Variants in CCDC149 observed in about 807,000 individuals in gnomAD.
The protein encoded by CCDC149 is coiled-coil domain-containing protein 149.
Under a neutral mutation model 59.9 loss-of-function variants are expected in CCDC149, and 45 were observed. The ratio of observed to expected loss-of-function variants is 0.75; its 90% CI spans 0.59 to 0.96. CCDC149 has a LOEUF of 0.96. CCDC149 is among the 40% of genes least tolerant of loss of function. The pLI is 0.00. For synonymous variants in CCDC149, 245 were observed against 260.6 expected (o/e 0.94, Z 0.58); for missense variants, 584 against 664.7 (o/e 0.88, Z 1.33).
Position 24,838,174 on chromosome 4 carries a change from T to C in CCDC149, c.471A>G (p.Leu157=). ...TGAGAACCTGTTCCTTAGCTCGCTC[T>C]AGCTGCTGCACCAAGTCTTCACGCT... Residue 157 remains leucine, a synonymous_variant, in exon 5 of 13, where the codon CTA becomes CTG. Coordinates refer to ENST00000635206, the MANE Select transcript of CCDC149 (RefSeq NM_001330643.2). The C allele has an allele frequency of 2.5e-6, 4 of 1,613,994 alleles. No individual in the cohort carries two copies. The South Asian group carries it at 4.4e-5, about 18-fold the overall frequency.
intron 9 of CCDC149, among the ~76,000 whole-genome samples, chr4:24,825,720 C>A (rs1235244805): frequency 2.0e-5 from 3 of 151,348 alleles, no homozygotes; most frequent in Admixed American, 1.3e-4. Flanking sequence ...TTGTAGTGAG[C>A]CGAGATAGCG....
At chr4:24,874,825 A>C (rs759552494) in intron 2 of CCDC149, among the ~76,000 whole-genome samples, 2 of 152,242 alleles carry the variant, frequency 1.3e-5, no homozygotes, top group Non-Finnish European at 2.9e-5. Context: ...CTTAAAAAAG[A>C]GATCGCCTCA....
At chr4:24,811,323 A>C (rs1290762285) in intron 12 of CCDC149, among the ~76,000 whole-genome samples, 1 of 151,960 alleles carries the variant, frequency 6.6e-6, no homozygotes, top group African/African-American at 2.4e-5. Flanking sequence ...CCCAGAGCTG[A>C]TTCATATCTT....
chr4:24,848,289 C>T (rs926802657), intron 4 of CCDC149, among the ~76,000 whole-genome samples: 3 of 152,044 alleles, frequency 2.0e-5, no homozygotes, highest in East Asian at 1.9e-4. Flanking sequence ...AATAATGCCT[C>T]GGCCAGGCAC....
At chr4:24,893,850 C>T (rs889219508) in intron 1 of CCDC149, among the ~76,000 whole-genome samples, 3 of 151,934 alleles carry the variant, frequency 2.0e-5, no homozygotes, top group Non-Finnish European at 2.9e-5. Context: ...AGGTGATCCG[C>T]CCGCCTCGGC....
intron 1 of CCDC149, among the ~76,000 whole-genome samples, chr4:24,945,568 G>A (rs1010137922): frequency 1.6e-4 from 24 of 151,792 alleles, no homozygotes; most frequent in Admixed American, 3.3e-4. Context: ...CTGTGAGAAC[G>A]TAAATGTCTG....
chr4:24,959,221 G>A (rs960769521), intron 1 of CCDC149, among the ~76,000 whole-genome samples: 11 of 152,064 alleles, frequency 7.2e-5, no homozygotes, highest in Admixed American at 2.0e-4. Context: ...TGATCCATCC[G>A]CCTCAGCCTC....
upstream of CCDC149, among the ~76,000 whole-genome samples, chr4:24,914,778 A>T (rs1027189275): frequency 6.6e-6 from 1 of 152,142 alleles, no homozygotes; most frequent in African/African-American, 2.4e-5. Context: ...TGGTGACACA[A>T]CTGATGAAGG....
At chr4:24,813,573 G>A (rs1714812263) in intron 12 of CCDC149, among the ~76,000 whole-genome samples, 1 of 146,590 alleles carries the variant, frequency 6.8e-6, no homozygotes, top group African/African-American at 2.6e-5. Context: ...AATTAAAATG[G>A]AGCTTAGAAT....
intron 1 of CCDC149, chr4:24,894,920 A>G: frequency 1.3e-6 from 2 of 1,527,396 alleles, no homozygotes; most frequent in Middle Eastern, 1.7e-4. Context: ...GCTTTCTGAT[A>G]GTGGGGAAAA....
At chr4:24,819,195 G>C (rs1715200693) in intron 12 of CCDC149, among the ~76,000 whole-genome samples, 1 of 152,224 alleles carries the variant, frequency 6.6e-6, no homozygotes, top group Non-Finnish European at 1.5e-5. Flanking sequence ...ATTTCCCTGA[G>C]GTAGACATGA....
intron 3 of CCDC149, among the ~76,000 whole-genome samples, chr4:24,856,559 G>A (rs1020521251): frequency 1.3e-5 from 2 of 152,322 alleles, no homozygotes; most frequent in African/African-American, 4.8e-5. Context: ...AAAAGTCCCA[G>A]ACAGGGGAAA....
At chr4:24,904,881 GTTTC>G (rs529293389) in intron 1 of CCDC149, among the ~76,000 whole-genome samples, 10 of 152,056 alleles carry the variant, frequency 6.6e-5, no homozygotes, top group Non-Finnish European at 1.5e-4. Flanking sequence ...AATTCAGATT[GTTTC>G]TTTGTTTTTG....
chr4:24,924,339 A>G (rs1202088939), intron 1 of CCDC149, among the ~76,000 whole-genome samples: 1 of 152,082 alleles, frequency 6.6e-6, no homozygotes, highest in Non-Finnish European at 1.5e-5. Flanking sequence ...TTTAGATACT[A>G]TTGCTGCATA....
chr4:24,848,058 A>T (rs1258668855), intron 4 of CCDC149, among the ~76,000 whole-genome samples: 1 of 152,136 alleles, frequency 6.6e-6, no homozygotes, highest in Non-Finnish European at 1.5e-5. Context: ...GAAATAAAAA[A>T]TTCATAAGAT....
chr4:24,916,787 GGT>G (rs55857592), upstream of CCDC149, among the ~76,000 whole-genome samples: 6,029 of 141,964 alleles, frequency 0.042, 213 homozygotes, highest in East Asian at 0.19. Context: ...GGTTTATAAT[GGT>G]GTGTGTGTGT....
At chr4:24,857,299 T>C (rs1157030366) in intron 3 of CCDC149, among the ~76,000 whole-genome samples, 3 of 152,088 alleles carry the variant, frequency 2.0e-5, no homozygotes, top group Non-Finnish European at 2.9e-5. Flanking sequence ...TCAATACTTT[T>C]GTAAAATCTA....
chr4:24,894,185 T>C (rs570049741), intron 1 of CCDC149, among the ~76,000 whole-genome samples: 1 of 152,296 alleles, frequency 6.6e-6, no homozygotes, highest in South Asian at 2.1e-4. Context: ...ATGTTTCCTT[T>C]TTCCTTCATA....
At chr4:24,919,929 C>A (rs896544072) in intron 1 of CCDC149, among the ~76,000 whole-genome samples, 2 of 152,188 alleles carry the variant, frequency 1.3e-5, no homozygotes, top group African/African-American at 4.8e-5. Flanking sequence ...AATCAGAGAT[C>A]TGGACCCCTT....
Sources: allele counts gnomAD v4.1 joint callset (sites outside exome capture counted in the v4.1 genomes callset), GRCh38; gene constraint gnomAD v4.1.1; transcripts MANE v1.5; gene names NCBI Gene and HGNC (gene_info 2026-07-23, HGNC 2026-07-21).